KMT2D: variants seen among roughly 807,000 people sequenced by gnomAD.
The protein encoded by KMT2D is lysine methyltransferase 2D, also known as histone-lysine N-methyltransferase 2D.
Under a neutral mutation model 512.7 loss-of-function variants are expected in KMT2D, and 55 were observed. The ratio of observed to expected loss-of-function variants is 0.11; its 90% confidence interval spans 0.09 to 0.13. The LOEUF is 0.13. KMT2D is among the 10% of genes least tolerant of loss of function. The probability of loss-of-function intolerance (pLI) is 1.00; values close to 1 mark genes in which losing one functional copy is unlikely to be tolerated. For synonymous variants in KMT2D, 2,995 were observed against 2,904.0 expected, an observed-to-expected ratio of 1.03 and a Z score of -1.01; for missense variants, 6,061 against 7,127.9, an observed-to-expected ratio of 0.85 and a Z score of 5.39.
rs748914612 is a variant in KMT2D, at chr12:49,039,666, A to G, written c.8047-49T>C. 1.2e-6 allele frequency: 2 copies of G among 1,602,380 alleles called. No individual in the cohort carries two copies. Among genetic ancestry groups the G allele is most frequent in the Admixed American group, 1.7e-5 (1 of 59,590 alleles). ...AATAAGCCCATTCTACTCCAATCAT[A>G]GGGCTGCCCCAGAGACAGGAGCGAT... is the stretch of plus-strand genomic sequence containing the variant. On this transcript the variant is annotated intron_variant, in intron 32 of 54. Coordinates refer to ENST00000301067, the MANE Select transcript of KMT2D (RefSeq NM_003482.4). The surrounding 1 kb of genome is among the most constrained non-coding windows in gnomAD (Gnocchi z 5.0).
Position 49,028,967 on chromosome 12 carries a change from G to C in KMT2D, c.14252-9C>G, listed in dbSNP as rs747921957. ...TTTGGTATCTGGGAAGACTGAATGA[G>C]AAAGAGGAATTTGTGTAACACTTGG... On this transcript the variant is annotated splice_polypyrimidine_tract_variant and intron_variant, in intron 45 of 54. Coordinates refer to ENST00000301067, the MANE Select transcript of KMT2D (RefSeq NM_003482.4). 6.2e-7 allele frequency: 1 copy of C among 1,613,534 alleles called. No homozygotes were observed. Among genetic ancestry groups the C allele is most frequent in the Non-Finnish European group, 8.5e-7 (1 of 1,179,618 alleles).
In KMT2D at chr12:49,034,626, G is replaced by A; in HGVS notation, c.10396C>T (p.Pro3466Ser). Residue 3466 changes from proline to serine, a missense_variant, in exon 37 of 55, where the codon CCT becomes TCT. Transcript: ENST00000301067. The part of the protein sequence containing the change: ...SLLAQRLSGG[P>S]SSDLQNHVAA... ...ACATGGTTCTGCAGATCACTGCTAG[G>A]TCCCCCCGAGAGCCTCTGGGCTAGC... 1 of 1,613,522 alleles carries A rather than the reference G, an allele frequency of 6.2e-7. No individual in the cohort carries two copies. The highest frequency in any genetic ancestry group is 8.5e-7 in the Non-Finnish European group (1 of 1,179,770).
In KMT2D at chr12:49,052,189, AGGC is replaced by A; in HGVS notation, c.1491_1493del (p.Pro498del). 5.0e-6 allele frequency: 8 copies of A among 1,613,502 alleles called. No homozygotes were observed. Among genetic ancestry groups the A allele is most frequent in the Non-Finnish European group, 5.9e-6 (7 of 1,179,676 alleles). ...GTGGGGGAGACAGAGGAGACTCCTC[AGGC>A]GGCGGAGAGAGGGGCGATTCCTCCA... On this transcript the variant is annotated inframe_deletion, in exon 11 of 55. Coordinates refer to ENST00000301067, the MANE Select transcript of KMT2D (RefSeq NM_003482.4).
chr12:49,025,584 C>A (rs974008823), intron 49 of KMT2D, among the ~76,000 whole-genome samples: 3 of 152,202 alleles, frequency 2.0e-5, no homozygotes, highest in South Asian at 2.1e-4. Context: ...AATCACCTAA[C>A]AATGCATTTC....
chr12:49,030,436 T>A lies in KMT2D; in HGVS notation c.13843A>T (p.Asn4615Tyr). The A allele has an allele frequency of 1.2e-6, 1 of 822,614 alleles. No individual in the cohort carries two copies. The highest frequency in any genetic ancestry group is 1.7e-6 in the Non-Finnish European group (1 of 589,192). 51.0% of individuals were successfully genotyped at this position (822,614 alleles called of 1,614,324 possible). A position where few individuals can be genotyped will look rare whatever the true frequency, so the allele number is the denominator to read the frequency against. Residue 4615 changes from asparagine (N) to tyrosine (Y), a missense_variant, in exon 43 of 55, where the codon AAC (asparagine) becomes TAC (tyrosine). Coordinates refer to ENST00000301067, the MANE Select transcript of KMT2D (RefSeq NM_003482.4). ...GGTGGTGTCGGCGGGTTACTCAGGTTATTCTGAGGGGTGGGGGGTGGGGTG... is the reference window on the plus strand; with the variant it reads ...GGTGGTGTCGGCGGGTTACTCAGGTAATTCTGAGGGGTGGGGGGTGGGGTG... Reference protein sequence around the residue: ...DYYSQLLTKNNLSNPPTPPSS... With the variant: ...DYYSQLLTKNYLSNPPTPPSS...
At position 49,019,031 on chromosome 12, in the gene KMT2D, A is replaced by C. The variant is rs1942154596; in HGVS notation, c.*2749T>G. Reference sequence around the variant, plus strand: ...GTTTAAAAACAAACTTGGAAGAAGCAAAATCCAAAACTTGCCCTTTGCCTC... The same window carrying C: ...GTTTAAAAACAAACTTGGAAGAAGCCAAATCCAAAACTTGCCCTTTGCCTC... On this transcript the variant is annotated 3_prime_UTR_variant, in exon 55 of 55. Transcript: ENST00000301067. 5 of 1,381,360 alleles carry C rather than the reference A, an allele frequency of 3.6e-6. No individual in the cohort carries two copies. The highest frequency in any genetic ancestry group is 2.8e-6 in the Non-Finnish European group (3 of 1,069,664). 85.6% of individuals were successfully genotyped at this position (1,381,360 alleles called of 1,614,324 possible). A position where few individuals can be genotyped will look rare whatever the true frequency, so the allele number is the denominator to read the frequency against.
rs369055827 is a variant in KMT2D, at chr12:49,039,838, C to G, written c.7932G>C (p.Lys2644Asn). 1 of 1,614,070 alleles carries G rather than the reference C, an allele frequency of 6.2e-7. No individual in the cohort carries two copies. The highest frequency in any genetic ancestry group is 8.5e-7 in the Non-Finnish European group (1 of 1,179,908). Residue 2644 changes from lysine (K) to asparagine (N), a missense_variant, in exon 32 of 55, where the codon AAG (lysine) becomes AAC (asparagine). Coordinates refer to ENST00000301067, the MANE Select transcript of KMT2D (RefSeq NM_003482.4). This position sits in a 1 kb window ranked among gnomAD's most constrained non-coding sequence, Gnocchi z 5.0. ...CCATTCCAGTCCCTGGGTCTTCTCG[C>G]TTTTCGACAGGAGAGGTGATGCCTG... ...QRSGITSPVE[K>N]REDPGTGMGS...
chr12:49,040,177 G>C lies in KMT2D; in HGVS notation c.7593C>G (p.Pro2531=). ...SPGTGAFVGT[P]SPMRFTFPQA... ...GAGGGAAAGTGAAACGCATGGGAGA[G>C]GGGGTGCCCACAAATGCACCCGTCC... The change falls in exon 32 of 55, where the codon CCC becomes CCG. Residue 2531 remains proline (P), a synonymous_variant. Coordinates refer to ENST00000301067, the MANE Select transcript of KMT2D (RefSeq NM_003482.4). 5 of 1,613,742 alleles carry C rather than the reference G, an allele frequency of 3.1e-6. No homozygotes were observed.
At position 49,033,731 on chromosome 12, in the gene KMT2D, G is replaced by A; in HGVS notation, c.10974C>T (p.Thr3658=). ...PGGQAGGLRL[T]PGGMALPGQP... ...GTCCAGGTAGTGCCATACCCCCAGG[G>A]GTCAGGCGAAGACCTCCGGCTTGCC... Residue 3658 remains threonine, a synonymous_variant, in exon 40 of 55, where the codon ACC becomes ACT. Transcript: ENST00000301067. 6.2e-7 allele frequency: 1 copy of A among 1,613,506 alleles called. No homozygotes were observed. Among genetic ancestry groups the A allele is most frequent in the Non-Finnish European group, 8.5e-7 (1 of 1,179,854 alleles).
Position 49,043,936 on chromosome 12 carries a change from T to C in KMT2D, c.5251A>G (p.Lys1751Glu), listed in dbSNP as rs2120575838. ...CGCCCTCGCCGCTGTTGCTTCTTCT[T>C]CTCATCCCCTTCAGCTAAGCTCTGC... is the stretch of plus-strand genomic sequence containing the variant. ...VEQSLAEGDE[K>E]KKQQRRGRKK... Residue 1751 changes from lysine (K) to glutamate (E), a missense_variant, in exon 23 of 55, where the codon AAG (lysine) becomes GAG (glutamate). This residue lies in a region of KMT2D where 640 missense variants were observed against 814.3 expected (regional missense o/e 0.79). Coordinates refer to ENST00000301067, the MANE Select transcript of KMT2D (RefSeq NM_003482.4). The C allele has an allele frequency of 6.2e-7, 1 of 1,614,030 alleles. No individual in the cohort carries two copies. Among genetic ancestry groups the C allele is most frequent in the Non-Finnish European group, 8.5e-7 (1 of 1,179,896 alleles).
Position 49,024,747 on chromosome 12 carries a change from T to C in KMT2D, c.15922-39A>G, listed in dbSNP as rs771239912. ...TCATACTCACCTTAGCCTGAGTTTT[T>C]TTGGGGTTAGGCCAAAGTTCTCAGT... On this transcript the variant is annotated intron_variant, in intron 50 of 54. Transcript: ENST00000301067. This position sits in a 1 kb window ranked among gnomAD's most constrained non-coding sequence, Gnocchi z 4.5. The C allele has an allele frequency of 9.3e-6, 15 of 1,609,206 alleles. No homozygotes were observed. The South Asian group carries it at 1.5e-4, about 17-fold the overall frequency.
chr12:49,044,514 C>G lies in KMT2D; in HGVS notation c.4972G>C (p.Glu1658Gln). The change falls in exon 21 of 55, where the codon GAG becomes CAG. Residue 1658 changes from glutamate (E) to glutamine (Q), a missense_variant. Transcript: ENST00000301067. This position sits in a 1 kb window ranked among gnomAD's most constrained non-coding sequence, Gnocchi z 6.4. ...DELLKGEGGVEHMECEIKLEG... is the reference protein window; with the variant it reads ...DELLKGEGGVQHMECEIKLEG... ...AGTTTAATTTCGCACTCCATGTGCT[C>G]CACACCACCTGCGTATGGTGACAGA... is the stretch of plus-strand genomic sequence containing the variant. 4 of 1,613,956 alleles carry G rather than the reference C, an allele frequency of 2.5e-6. No individual in the cohort carries two copies. Among genetic ancestry groups the G allele is most frequent in the Non-Finnish European group, 3.4e-6 (4 of 1,179,852 alleles).
At position 49,037,109 on chromosome 12, in the gene KMT2D, T is replaced by C. The variant is rs746674160; in HGVS notation, c.10231+16A>G. On this transcript the variant is annotated intron_variant, in intron 35 of 54. Coordinates refer to ENST00000301067, the MANE Select transcript of KMT2D (RefSeq NM_003482.4). ...ATCACCCTGAGTAACTTGGCTATGT[T>C]ACCAGCTGAGGTTACCTGTATCTGG... is the stretch of plus-strand genomic sequence containing the variant. The C allele has an allele frequency of 6.5e-7, 1 of 1,546,834 alleles. No individual in the cohort carries two copies. The highest frequency in any genetic ancestry group is 1.2e-5 in the South Asian group (1 of 80,622).
In KMT2D at chr12:49,026,981, G is replaced by A. The variant is rs2120365609; in HGVS notation, c.14985C>T (p.Thr4995=). The A allele has an allele frequency of 6.2e-7, 1 of 1,614,010 alleles. No homozygotes were observed. Among genetic ancestry groups the A allele is most frequent in the Non-Finnish European group, 8.5e-7 (1 of 1,179,898 alleles). Residue 4995 remains threonine, a synonymous_variant, in exon 49 of 55, where the codon ACC becomes ACT. Transcript: ENST00000301067. This position sits in a 1 kb window ranked among gnomAD's most constrained non-coding sequence, Gnocchi z 9.6. ...VRWKRLRLLL[T]IQKGSGRQED... ...CCTGCCGCCCACTGCCCTTCTGGAT[G>A]GTCAGCAGCAGCCGAAGCCGCTTCC...
Position 49,051,581 on chromosome 12 carries a change from G to A in KMT2D, c.2102C>T (p.Pro701Leu), listed in dbSNP as rs760906471. The change falls in exon 11 of 55, where the codon CCA becomes CTA. Residue 701 changes from proline to leucine, a missense_variant. Physicochemically the swap from Pro to Leu is moderately conservative, Grantham distance 98 (BLOSUM62 -3). This residue lies in a region of KMT2D where 848 missense variants were observed against 838.5 expected (regional missense o/e 1.01). Transcript: ENST00000301067. ...PPPEDSPTSP[P>L]PEDSPASPPP... ...TGGGGAAGCAGGTGAGTCCTCAGGTGGTGGGGATGTGGGGGAGTCCTCAGG... is the reference window on the plus strand; with the variant it reads ...TGGGGAAGCAGGTGAGTCCTCAGGTAGTGGGGATGTGGGGGAGTCCTCAGG... 4 of 1,601,392 alleles carry A rather than the reference G, an allele frequency of 2.5e-6. No homozygotes were observed. The highest frequency in any genetic ancestry group is 3.4e-6 in the Non-Finnish European group (4 of 1,172,150).
In KMT2D at chr12:49,038,127, T is replaced by G. The variant is rs767316622; in HGVS notation, c.9229A>C (p.Asn3077His). 1 of 1,613,964 alleles carries G rather than the reference T, an allele frequency of 6.2e-7. No homozygotes were observed. Residue 3077 changes from asparagine (N) to histidine (H), a missense_variant, in exon 35 of 55, where the codon AAT becomes CAT. Physicochemically the swap from Asn to His is moderately conservative, Grantham distance 68. Around this residue, in one of 16 missense-constraint regions of KMT2D, gnomAD observed 21 missense variants for 74.3 expected, o/e 0.28. Coordinates refer to ENST00000301067, the MANE Select transcript of KMT2D (RefSeq NM_003482.4). The surrounding 1 kb of genome is among the most constrained non-coding windows in gnomAD (Gnocchi z 5.7). Reference sequence around the variant, plus strand: ...AGGGCCTCCCGTTCAGCCTTCTCATTAGCCGATTCTACCAGCCTCAGGTGC... The same window carrying G: ...AGGGCCTCCCGTTCAGCCTTCTCATGAGCCGATTCTACCAGCCTCAGGTGC... ...NEHLRLVESA[N>H]EKAEREALLR...
At position 49,019,636 on chromosome 12, in the gene KMT2D, C is replaced by T. The variant is rs1447204075; in HGVS notation, c.*2144G>A. 2.2e-5 allele frequency: 5 copies of T among 230,850 alleles called. No homozygotes were observed. The East Asian group carries it at 3.1e-4, about 14-fold the overall frequency. 14.3% of individuals were successfully genotyped at this position (230,850 alleles called of 1,614,324 possible). On this transcript the variant is annotated 3_prime_UTR_variant, in exon 55 of 55. Coordinates refer to ENST00000301067, the MANE Select transcript of KMT2D (RefSeq NM_003482.4). ...GAGCCAATCTCCCCCTCCCTGTAGC[C>T]TAGACCTTCTGCTCTCGGAAAAGGA...
chr12:49,056,293 A>G (rs1938404672), intron 1 of KMT2D, among the ~76,000 whole-genome samples: 2 of 152,186 alleles, frequency 1.3e-5, no homozygotes, highest in African/African-American at 4.8e-5. Context: ...TTCCACACAC[A>G]TACATGGGGG....
At position 49,041,568 on chromosome 12, in the gene KMT2D, G is replaced by A. The variant is rs1330844844; in HGVS notation, c.6235-33C>T. On this transcript the variant is annotated intron_variant, in intron 31 of 54. Coordinates refer to ENST00000301067, the MANE Select transcript of KMT2D (RefSeq NM_003482.4). This position sits in a 1 kb window ranked among gnomAD's most constrained non-coding sequence, Gnocchi z 5.4. ...GGGAGACCAGGCATAGGGCAGTCAG[G>A]CTGCTGCAGGCAGGCCCCATGGCCC... 6 of 1,612,592 alleles carry A rather than the reference G, an allele frequency of 3.7e-6. No homozygotes were observed. The highest frequency in any genetic ancestry group is 5.1e-6 in the Non-Finnish European group (6 of 1,179,262).
Sources: gnomAD v4.1 joint callset for allele counts (sites outside exome capture counted in the v4.1 genomes callset) on GRCh38, gnomAD v4.1.1 for gene constraint, gnomAD v4.1.1 regional missense constraint, Gnocchi (gnomAD v3.1) non-coding constraint, MANE v1.5 for transcripts, NCBI Gene and HGNC (gene_info 2026-07-23, HGNC 2026-07-21) for gene names.